The following TET1 variants were observed in gnomAD, a reference collection of about 807,000 sequenced individuals.
TET1 encodes the protein methylcytosine dioxygenase TET1.
Under a neutral mutation model 148.7 loss-of-function variants are expected in TET1, and 13 were observed. The ratio of observed to expected loss-of-function variants is 0.09; its 90% confidence interval spans 0.06 to 0.14. TET1 has a LOEUF of 0.14. TET1 is among the 10% of genes least tolerant of loss of function. The pLI is 1.00. For missense variants in TET1, 2,182 were observed against 2,553.8 expected, an observed-to-expected ratio of 0.85 and a Z score of 3.14; for synonymous variants, 907 against 937.2, an observed-to-expected ratio of 0.97 and a Z score of 0.59.
In TET1 at chr10:68,686,691, G is replaced by A. The variant is rs758227711; in HGVS notation, c.5388G>A (p.Ser1796=). The stretch of plus-strand genomic sequence containing the variant: ...CAACAACAAACAACAGTAAGCCTTC[G>A]TCACTGCCAACCTTAGGTGAGCCCT... The part of the protein sequence containing the change: ...NSTTTNNSKP[S]SLPTLGSNTE... Residue 1796 remains serine, a synonymous_variant, in exon 11 of 12, where the codon TCG becomes TCA. Transcript: ENST00000373644. 11 of 1,613,130 alleles carry A rather than the reference G, an allele frequency of 6.8e-6. No individual in the cohort carries two copies. Among genetic ancestry groups the A allele is most frequent in the Non-Finnish European group, 9.3e-6 (11 of 1,179,430 alleles).
intron 1 of TET1, among the ~76,000 whole-genome samples, chr10:68,563,645 G>A (rs1238020978): frequency 1.3e-5 from 2 of 152,220 alleles, no homozygotes; most frequent in Admixed American, 6.5e-5. Context: ...ATATAGGTGG[G>A]AAGAGGATCT....
intron 2 of TET1, among the ~76,000 whole-genome samples, chr10:68,577,101 A>G (rs745536395): frequency 2.2e-4 from 33 of 152,164 alleles, no homozygotes; most frequent in Non-Finnish European, 4.1e-4. Context: ...TAGTAGAGAC[A>G]GGGTTTCACC....
At chr10:68,674,406 T>C in intron 8 of TET1, 1 of 294,726 alleles carries the variant, frequency 3.4e-6, no homozygotes, top group Non-Finnish European at 6.6e-6. Context: ...GAAAGATTTG[T>C]ATTACGTGAA....
At chr10:68,683,394 T>G (rs1392107203) in intron 10 of TET1, among the ~76,000 whole-genome samples, 2 of 152,324 alleles carry the variant, frequency 1.3e-5, no homozygotes, top group East Asian at 3.9e-4. Context: ...TTCTCCTGCC[T>G]TAGCCTCCCA....
In TET1 at chr10:68,629,816, G is replaced by T. The variant is rs539388159; in HGVS notation, c.1969-14882G>T. Among the ~76,000 whole-genome samples, 24 of 152,152 alleles carry T rather than the reference G, an allele frequency of 1.6e-4. No homozygotes were observed. The South Asian group carries it at 3.3e-3, about 21-fold the overall frequency. ...CTCCCAAAGTGCTGGGATTACAGGCGTGAGCCACTGCACCCAGCCAAAAGT... is the reference window on the plus strand; with the variant it reads ...CTCCCAAAGTGCTGGGATTACAGGCTTGAGCCACTGCACCCAGCCAAAAGT... On this transcript the variant is annotated intron_variant, in intron 3 of 11. Transcript: ENST00000373644.
At chr10:68,669,343 C>G (rs991244611) in intron 7 of TET1, among the ~76,000 whole-genome samples, 2 of 151,968 alleles carry the variant, frequency 1.3e-5, no homozygotes, top group African/African-American at 4.8e-5. Flanking sequence ...CAGAGTCTCA[C>G]TCTGTCGCCC....
At chr10:68,673,998 G>C (rs1416465016) in intron 8 of TET1, among the ~76,000 whole-genome samples, 1 of 70,296 alleles carries the variant, frequency 1.4e-5, no homozygotes, top group African/African-American at 5.9e-5. Context: ...TTTCGCTCTT[G>C]TTGCCCAGGC....
At chr10:68,599,554 A>AC (rs1460297225) in intron 2 of TET1, among the ~76,000 whole-genome samples, 2 of 152,126 alleles carry the variant, frequency 1.3e-5, no homozygotes, top group African/African-American at 4.8e-5. Flanking sequence ...CCCACTGCCT[A>AC]CCACCCACTG....
intron 10 of TET1, among the ~76,000 whole-genome samples, chr10:68,684,681 C>G: frequency 6.6e-6 from 1 of 152,108 alleles, no homozygotes; most frequent in Non-Finnish European, 1.5e-5. Context: ...ACTCCAAATT[C>G]CCCCATCTTC....
chr10:68,632,730 A>G, intron 3 of TET1: 1 of 1,605,090 alleles, frequency 6.2e-7, no homozygotes, highest in Non-Finnish European at 8.5e-7. Context: ...GCAATTGAAC[A>G]ATCTTGAGCA....
At chr10:68,653,168 T>C (rs2054965650) in intron 6 of TET1, among the ~76,000 whole-genome samples, 1 of 152,078 alleles carries the variant, frequency 6.6e-6, no homozygotes, top group Non-Finnish European at 1.5e-5. Flanking sequence ...TTAATGATTT[T>C]ATTTTTTCTA....
intron 7 of TET1, among the ~76,000 whole-genome samples, chr10:68,669,603 C>T (rs1334166670): frequency 2.0e-5 from 3 of 151,178 alleles, no homozygotes; most frequent in African/African-American, 7.3e-5. Flanking sequence ...ATTCGCCCAC[C>T]TCGGCCTCCC....
At chr10:68,620,838 A>AAATTTTGTTGGACACTTATGT in intron 3 of TET1, among the ~76,000 whole-genome samples, 1 of 152,186 alleles carries the variant, frequency 6.6e-6, no homozygotes. Context: ...ACACTTATTA[A>AAATTTTGTTGGACACTTATGT]TGTCCATCTT....
At position 68,573,357 on chromosome 10, in the gene TET1, G is replaced by T; in HGVS notation, c.1019G>T (p.Gly340Val). ...LLAGSKQATL[G>V]AKPDHQEAFE... ...GCAGGCTCAAAACAAGCGACCCTTGGTGCTAAACCAGATCATCAAGAGGCC... is the reference window on the plus strand; with the variant it reads ...GCAGGCTCAAAACAAGCGACCCTTGTTGCTAAACCAGATCATCAAGAGGCC... The change falls in exon 2 of 12, where the codon GGT becomes GTT. Residue 340 changes from glycine (G) to valine (V), a missense_variant. Coordinates refer to ENST00000373644, the MANE Select transcript of TET1 (RefSeq NM_030625.3). 6.2e-7 allele frequency: 1 copy of T among 1,614,034 alleles called. No homozygotes were observed. Among genetic ancestry groups the T allele is most frequent in the Middle Eastern group, 1.6e-4 (1 of 6,062 alleles).
intron 1 of TET1, among the ~76,000 whole-genome samples, chr10:68,570,416 G>A (rs2053656128): frequency 6.6e-6 from 1 of 151,648 alleles, no homozygotes; most frequent in Admixed American, 6.6e-5. Context: ...GTACCGGATA[G>A]TTTTTCAACC....
At chr10:68,575,386 A>AAAAT (rs72033179) in intron 2 of TET1, among the ~76,000 whole-genome samples, 2,617 of 148,808 alleles carry the variant, frequency 0.018, 44 homozygotes, top group Middle Eastern at 0.045. Context: ...CTCTGTCTCA[A>AAAAT]AAATAAATAA....
At chr10:68,682,804 C>CTT (rs1462016295) in intron 9 of TET1, 32 bp from the exon 10 acceptor site, 1 of 1,603,850 alleles carries the variant, frequency 6.2e-7, no homozygotes, top group African/African-American at 1.3e-5. Context: ...CCTTCTCTCT[C>CTT]TTAAGATTGT....
rs372492171 is a variant in TET1 at position 68,645,192 on chromosome 10, C to T, written c.2463C>T (p.Asn821=). 18 of 1,613,970 alleles carry T rather than the reference C, an allele frequency of 1.1e-5. No individual in the cohort carries two copies. The highest frequency in any genetic ancestry group is 4.0e-5 in the African/African-American group (3 of 74,924). ...MSCDHLKGRS[N]VLVFQQPGFN... The stretch of plus-strand genomic sequence containing the variant: ...GTGATCATCTCAAGGGGAGAAGTAA[C>T]GTTTTAGTATTCCAGCAGCCTGGCT... The change falls in exon 4 of 12, where the codon AAC becomes AAT. Residue 821 remains asparagine (N), a synonymous_variant. Coordinates refer to ENST00000373644, the MANE Select transcript of TET1 (RefSeq NM_030625.3).
chr10:68,569,786 A>G (rs2133677601), intron 1 of TET1, among the ~76,000 whole-genome samples: 1 of 152,148 alleles, frequency 6.6e-6, no homozygotes, highest in African/African-American at 2.4e-5. Flanking sequence ...AAAAAATAAT[A>G]ATAATAAATT....
Sources: gnomAD v4.1 joint callset for allele counts (sites outside exome capture counted in the v4.1 genomes callset) on GRCh38, gnomAD v4.1.1 for gene constraint, MANE v1.5 for transcripts, NCBI Gene and HGNC (gene_info 2026-07-23, HGNC 2026-07-21) for gene names.